The following CLDN16 variants were observed in gnomAD, a reference collection of about 807,000 sequenced individuals.
CLDN16 encodes claudin 16.
CLDN16 carries 13 observed loss-of-function variants against 24.6 expected under a neutral mutation model. The ratio of observed to expected loss-of-function variants is 0.53; its 90% CI spans 0.34 to 0.84. The LOEUF (loss-of-function observed/expected upper bound fraction) is 0.84, where lower values mean the gene tolerates loss of function less well. CLDN16 is among the 40% of genes least tolerant of loss of function. The probability of loss-of-function intolerance (pLI) is 0.01; values close to 1 mark genes in which losing one functional copy is unlikely to be tolerated. For missense variants in CLDN16, 298 were observed against 292.7 expected, an observed-to-expected ratio of 1.02 and a Z score of -0.13; for synonymous variants, 116 against 106.7, an observed-to-expected ratio of 1.09 and a Z score of -0.54.
upstream of CLDN16, among the ~76,000 whole-genome samples, chr3:190,385,962 T>C (rs9817249): frequency 0.19 from 28,270 of 152,136 alleles, 3,058 homozygotes; most frequent in Middle Eastern, 0.29. Flanking sequence ...ATTCCTGGGT[T>C]TGCATTTATA....
intron 1 of CLDN16, among the ~76,000 whole-genome samples, chr3:190,354,638 G>T (rs1339208139): frequency 6.6e-6 from 1 of 151,940 alleles, no homozygotes; most frequent in African/African-American, 2.4e-5. Context: ...GCAAAATTTT[G>T]TTTTCATTGG....
At chr3:190,298,532 G>A in the CLDN16 span, among the ~76,000 whole-genome samples, 2 of 147,148 alleles carry the variant, frequency 1.4e-5, no homozygotes, top group African/African-American at 2.5e-5. Flanking sequence ...CTCTGCTCAC[G>A]GCAACCTCCG....
In CLDN16 at chr3:190,410,314, A is replaced by G. The variant is rs1221295875; in HGVS notation, c.*278A>G. 1.2e-5 allele frequency: 5 copies of G among 418,372 alleles called. No individual in the cohort carries two copies. The South Asian group carries it at 1.3e-4, about 11-fold the overall frequency. 25.9% of individuals were successfully genotyped at this position (418,372 alleles called of 1,614,324 possible). A position where few individuals can be genotyped will look rare whatever the true frequency, so the allele number is the denominator to read the frequency against. Reference sequence around the variant, plus strand: ...GTAGAAATATTTGTTTGTGATTTCTATATAGCTATTAGAGATTATGACATA... The same window carrying G: ...GTAGAAATATTTGTTTGTGATTTCTGTATAGCTATTAGAGATTATGACATA... On this transcript the variant is annotated 3_prime_UTR_variant, in exon 5 of 5. Coordinates refer to ENST00000264734, the MANE Select transcript of CLDN16 (RefSeq NM_006580.4).
chr3:190,363,697 T>TA (rs1466765735), intron 1 of CLDN16, among the ~76,000 whole-genome samples: 1 of 150,538 alleles, frequency 6.6e-6, no homozygotes, highest in Non-Finnish European at 1.5e-5. Flanking sequence ...AAATTGTACT[T>TA]ACTATTGATG....
intron 1 of CLDN16, among the ~76,000 whole-genome samples, chr3:190,341,259 C>G (rs1717426455): frequency 6.6e-6 from 1 of 152,232 alleles, no homozygotes; most frequent in Non-Finnish European, 1.5e-5. Context: ...CAGAGGTTCT[C>G]TATAAGGACC....
At chr3:190,324,192 G>T (rs981197012) in intron 1 of CLDN16, among the ~76,000 whole-genome samples, 1 of 152,108 alleles carries the variant, frequency 6.6e-6, no homozygotes, top group South Asian at 2.1e-4. Context: ...ACCCGGGCAC[G>T]GTGGCTCAGG....
intron 1 of CLDN16, among the ~76,000 whole-genome samples, chr3:190,369,015 C>T (rs914789294): frequency 1.3e-5 from 2 of 151,956 alleles, no homozygotes; most frequent in Non-Finnish European, 2.9e-5. Context: ...AAACATCTTT[C>T]AGCCTCTGAT....
chr3:190,320,782 G>C (rs1313149549), upstream of CLDN16, among the ~76,000 whole-genome samples: 1 of 152,108 alleles, frequency 6.6e-6, no homozygotes, highest in South Asian at 2.1e-4. Flanking sequence ...GGGCAGTCAC[G>C]TTCATCTAGG....
intron 1 of CLDN16, among the ~76,000 whole-genome samples, chr3:190,327,836 G>A (rs1485303891): frequency 1.3e-5 from 2 of 152,192 alleles, no homozygotes; most frequent in African/African-American, 4.8e-5. Flanking sequence ...TGGATGGACT[G>A]ATAGAGGAAG....
At chr3:190,380,942 T>TAAATAGG (rs1718358143) in intron 3 of CLDN16, among the ~76,000 whole-genome samples, 1 of 152,080 alleles carries the variant, frequency 6.6e-6, no homozygotes, top group South Asian at 2.1e-4. Context: ...GTACCAGAGC[T>TAAATAGG]AAATAGGACA....
At chr3:190,321,038 T>A (rs530958294), upstream of CLDN16, among the ~76,000 whole-genome samples, 7 of 152,274 alleles carry the variant, frequency 4.6e-5, no homozygotes, top group East Asian at 1.2e-3. Context: ...ATACAATCCT[T>A]TCCAGTTTTA....
At chr3:190,333,693 G>A (rs1022916732) in intron 1 of CLDN16, among the ~76,000 whole-genome samples, 3 of 152,048 alleles carry the variant, frequency 2.0e-5, no homozygotes, top group African/African-American at 7.2e-5. Context: ...ATAACGTGGA[G>A]TTCTTTCTCT....
chr3:190,331,280 C>A (rs1239491785), intron 1 of CLDN16, among the ~76,000 whole-genome samples: 2 of 152,146 alleles, frequency 1.3e-5, no homozygotes, highest in East Asian at 3.8e-4. Context: ...TGGCTGCCAC[C>A]ATATTCCCAC....
intron 1 of CLDN16, among the ~76,000 whole-genome samples, chr3:190,401,066 T>C (rs185051061): frequency 1.1e-3 from 167 of 152,324 alleles, no homozygotes; most frequent in Non-Finnish European, 1.2e-3. Flanking sequence ...TGCTTTATGG[T>C]ATAGACTCTG....
intron 1 of CLDN16, among the ~76,000 whole-genome samples, chr3:190,363,486 A>G (rs1717944821): frequency 6.8e-6 from 1 of 147,002 alleles, no homozygotes; most frequent in South Asian, 2.2e-4. Context: ...TGTTGGTCAC[A>G]TATTTCTGCT....
At chr3:190,302,779 A>AAAAAT in the CLDN16 span, among the ~76,000 whole-genome samples, 265 of 140,188 alleles carry the variant, frequency 1.9e-3, 3 homozygotes, top group East Asian at 9.8e-3. Flanking sequence ...CTCAAAAAAA[A>AAAAAT]ATATATATAT....
rs529670359 is a variant in CLDN16, at chr3:190,332,764, G to A, written n.121+10103G>A. Among the ~76,000 whole-genome samples the A allele has an allele frequency of 1.1e-4, 15 of 140,942 alleles. No homozygotes were observed. The South Asian group carries it at 3.4e-3, about 32-fold the overall frequency. The allele number at this position is 140,942 out of a possible 152,430, so 92.5% of individuals were successfully genotyped here. A position where few individuals can be genotyped will look rare whatever the true frequency, so the allele number is the denominator to read the frequency against. Reference sequence around the variant, plus strand: ...AAGAAAGATTATTTAATCAGGTATAGCAGAGCATGATTTTTTTTTTTTTGT... The same window carrying A: ...AAGAAAGATTATTTAATCAGGTATAACAGAGCATGATTTTTTTTTTTTTGT... On this transcript the variant is annotated intron_variant and non_coding_transcript_variant, in intron 1 of 4. Coordinates refer to the CLDN16 transcript ENST00000468220.
intron 1 of CLDN16, among the ~76,000 whole-genome samples, chr3:190,400,544 T>C (rs1356592852): frequency 1.3e-5 from 2 of 152,236 alleles, no homozygotes; most frequent in Non-Finnish European, 2.9e-5. Context: ...ATCAACTTCT[T>C]ATAGCTTCCA....
At chr3:190,363,554 G>GCGCATATATA (rs10663299) in intron 1 of CLDN16, among the ~76,000 whole-genome samples, 1 of 81,364 alleles carries the variant, frequency 1.2e-5, no homozygotes, top group African/African-American at 4.7e-5. Context: ...GTGTGTGTGT[G>GCGCATATATA]TGTATATATA....
Sources: gnomAD v4.1 joint callset for allele counts (sites outside exome capture counted in the v4.1 genomes callset) on GRCh38, gnomAD v4.1.1 for gene constraint, MANE v1.5 for transcripts, NCBI Gene and HGNC (gene_info 2026-07-23, HGNC 2026-07-21) for gene names.